SPEG: variants seen among roughly 807,000 people sequenced by gnomAD.
The protein encoded by SPEG is striated muscle preferentially expressed protein kinase.
In SPEG, 114 loss-of-function variants were observed where a neutral mutation model predicts 300.4. That is an observed-to-expected ratio of 0.38 (90% CI 0.33 to 0.44). The LOEUF is 0.44. SPEG is among the 20% of genes least tolerant of loss of function. SPEG has a pLI of 1.00. For synonymous variants in SPEG, 1,964 were observed against 2,018.9 expected, an observed-to-expected ratio of 0.97 and a Z score of 0.73; for missense variants, 4,201 against 4,586.2, an observed-to-expected ratio of 0.92 and a Z score of 2.43.
In SPEG at chr2:219,462,654, C is replaced by T. The variant is rs145563653; in HGVS notation, c.2705+268C>T. Among the ~76,000 whole-genome samples the T allele has an allele frequency of 4.4e-3, 668 of 152,342 alleles. 5 individuals carry two copies. The highest frequency in any genetic ancestry group is 7.0e-3 in the Non-Finnish European group (474 of 68,028). ...ATAAATGACTGGGTGCGGTGGCTCA[C>T]GCCTGTAATCCCAGCATTTTGAGAG... On this transcript the variant is annotated intron_variant, in intron 8 of 40. Transcript: ENST00000312358.
At chr2:219,491,713 C>A in intron 38 of SPEG, 81 bp from the exon 39 acceptor site, 2 of 1,099,764 alleles carry the variant, frequency 1.8e-6, no homozygotes, top group Non-Finnish European at 2.7e-6. Flanking sequence ...TGTCCTGCTG[C>A]TCAAGCACCC....
intron 8 of SPEG, among the ~76,000 whole-genome samples, chr2:219,463,077 G>A (rs1436200319): frequency 1.3e-5 from 2 of 151,998 alleles, no homozygotes; most frequent in Admixed American, 6.6e-5. Context: ...GGACGTGGTA[G>A]TACATGCCTG....
rs1690342114 is a variant in SPEG at position 219,458,196 on chromosome 2, AG to A, written c.2441-3685del. Among the ~76,000 whole-genome samples the A allele has an allele frequency of 6.6e-6, 1 of 152,064 alleles. No individual in the cohort carries two copies. The stretch of plus-strand genomic sequence containing the variant: ...GTGAGGTGGCAGTGAGTAGGCAGAG[AG>A]CCCCATGACTTTTCAAGCCCTTGAG... On this transcript the variant is annotated intron_variant, in intron 6 of 40. Transcript: ENST00000312358. This position sits in a 1 kb window ranked among gnomAD's most constrained non-coding sequence, Gnocchi z 4.2.
chr2:219,473,310 G>C lies in SPEG; in HGVS notation c.4148-194G>C, dbSNP rs2125494293. On this transcript the variant is annotated intron_variant, in intron 16 of 40. Transcript: ENST00000312358. The surrounding 1 kb of genome is among the most constrained non-coding windows in gnomAD (Gnocchi z 4.6). ...TCAGGCTTTGGGATCGGGCCTGCTG[G>C]GGTCCAACCCCACAACCTCAGCTTT... 1.3e-6 allele frequency: 1 copy of C among 744,624 alleles called. No homozygotes were observed. Among genetic ancestry groups the C allele is most frequent in the South Asian group, 1.8e-5 (1 of 55,160 alleles). 46.1% of individuals were successfully genotyped at this position (744,624 alleles called of 1,614,324 possible).
chr2:219,466,010 C>G, intron 9 of SPEG: 1 of 1,554,704 alleles, frequency 6.4e-7, no homozygotes, highest in Non-Finnish European at 8.8e-7. Context: ...TGCGCGTATG[C>G]TGCACTAACC....
chr2:219,458,973 G>C lies in SPEG; in HGVS notation c.2441-2909G>C, dbSNP rs1057247941. Among the ~76,000 whole-genome samples, 3 of 152,206 alleles carry C rather than the reference G, an allele frequency of 2.0e-5. No individual in the cohort carries two copies. Among genetic ancestry groups the C allele is most frequent in the Admixed American group, 6.5e-5 (1 of 15,286 alleles). ...ATGTACTAGATAATTCGCAGTGGTG[G>C]CTGCAACTCTGTCTATTGTGAGAAC... On this transcript the variant is annotated intron_variant, in intron 6 of 40. Coordinates refer to ENST00000312358, the MANE Select transcript of SPEG (RefSeq NM_005876.5). The surrounding 1 kb of genome is among the most constrained non-coding windows in gnomAD (Gnocchi z 4.2).
chr2:219,487,882 T>C (rs143620469), intron 31 of SPEG, among the ~76,000 whole-genome samples: 6 of 152,352 alleles, frequency 3.9e-5, no homozygotes, highest in African/African-American at 1.4e-4. Context: ...TAACAAATGC[T>C]TATAGACCAC....
In SPEG at chr2:219,451,974, G is replaced by A. The variant is rs1169690776; in HGVS notation, c.2440+167G>A. 6.6e-6 allele frequency among the ~76,000 whole-genome samples: 1 copy of A among 152,224 alleles called. No homozygotes were observed. The highest frequency in any genetic ancestry group is 2.1e-4 in the South Asian group (1 of 4,836). On this transcript the variant is annotated intron_variant, in intron 6 of 40. Transcript: ENST00000312358. The surrounding 1 kb of genome is among the most constrained non-coding windows in gnomAD (Gnocchi z 6.4). The stretch of plus-strand genomic sequence containing the variant: ...GGGTGTCGGCAGCTTTGGTGAAAGC[G>A]TTTTAAATGGCCCTGGCCTCAGGGC...
intron 28 of SPEG, chr2:219,482,471 G>A: frequency 3.0e-6 from 1 of 332,640 alleles, no homozygotes; most frequent in Non-Finnish European, 5.6e-6. Context: ...AAGATCACAG[G>A]CCTCCCAGGG....
Position 219,483,801 on chromosome 2 carries a change from C to A in SPEG, c.6338C>A (p.Ala2113Glu). The stretch of plus-strand genomic sequence containing the variant: ...GCACGAGCTGCCTCCAGCGAGGCAG[C>A]GCCCCACCACCAGCCCCCACTCGAG... ...RMARAASSEA[A>E]PHHQPPLENR... The change falls in exon 30 of 41, where the codon GCG (alanine) becomes GAG (glutamate). Residue 2113 changes from alanine to glutamate, a missense_variant. By Grantham distance (107) the Ala-to-Glu change is moderately radical. Transcript: ENST00000312358. 1 of 1,570,346 alleles carries A rather than the reference C, an allele frequency of 6.4e-7. No homozygotes were observed. Among genetic ancestry groups the A allele is most frequent in the Non-Finnish European group, 8.6e-7 (1 of 1,165,418 alleles).
Position 219,477,567 on chromosome 2 carries a change from C to T in SPEG, c.4729+122C>T. ...AGCCACCACACCCCCAGCCCAGCAC[C>T]CCGCCTTGAGCCCCCAACATTCTTG... On this transcript the variant is annotated intron_variant, in intron 20 of 40. Coordinates refer to ENST00000312358, the MANE Select transcript of SPEG (RefSeq NM_005876.5). The surrounding 1 kb of genome is among the most constrained non-coding windows in gnomAD (Gnocchi z 6.4). 1 of 1,367,792 alleles carries T rather than the reference C, an allele frequency of 7.3e-7. No individual in the cohort carries two copies. Among genetic ancestry groups the T allele is most frequent in the Non-Finnish European group, 9.9e-7 (1 of 1,010,012 alleles). 84.7% of individuals were successfully genotyped at this position (1,367,792 alleles called of 1,614,324 possible).
Position 219,480,273 on chromosome 2 carries a change from G to GA in SPEG, c.5342+133_5342+134insA. 2 of 966,264 alleles carry GA rather than the reference G, an allele frequency of 2.1e-6. No homozygotes were observed. The highest frequency in any genetic ancestry group is 3.1e-6 in the Non-Finnish European group (2 of 648,710). 59.9% of individuals were successfully genotyped at this position (966,264 alleles called of 1,614,324 possible). ...GGTGGGCTGGAGGCATTGTTTGCAG[G>GA]GTCTCCTGCCCATGTTACTCCTTGC... On this transcript the variant is annotated intron_variant, in intron 25 of 40. Transcript: ENST00000312358. This position sits in a 1 kb window ranked among gnomAD's most constrained non-coding sequence, Gnocchi z 5.3.
Position 219,472,947 on chromosome 2 carries a change from C to T in SPEG, c.3998C>T (p.Thr1333Met), listed in dbSNP as rs76811720. The T allele has an allele frequency of 2.8e-4, 444 of 1,613,582 alleles. 2 individuals are homozygous for T. The African/African-American group carries it at 5.3e-3, about 19-fold the overall frequency. The change falls in exon 16 of 41, where the codon ACG becomes ATG. Residue 1333 changes from threonine to methionine, a missense_variant. This residue lies in a region of SPEG where 1,047 missense variants were observed against 1,356.8 expected (regional missense o/e 0.77). Transcript: ENST00000312358. ...QHQVLGSDQWTALVTGLREPG... is the reference protein window; with the variant it reads ...QHQVLGSDQWMALVTGLREPG... ...CAGGTGCTGGGCTCGGACCAGTGGA[C>T]GGCACTGGTCACAGGCCTGCGGGAG...
chr2:219,475,603 C>G (rs898856377), intron 18 of SPEG, among the ~76,000 whole-genome samples: 2 of 152,196 alleles, frequency 1.3e-5, no homozygotes, highest in African/African-American at 4.8e-5. Flanking sequence ...GCACTCTCCA[C>G]TCAGTCACCA....
intron 15 of SPEG, among the ~76,000 whole-genome samples, chr2:219,472,620 C>T (rs183625803): frequency 8.5e-5 from 13 of 152,290 alleles, no homozygotes; most frequent in East Asian, 1.9e-4. Flanking sequence ...GATCTCCTCC[C>T]GCTCTGCCTC....
At chr2:219,485,109 G>C in intron 30 of SPEG, 37 bp downstream of exon 30, 8 of 1,525,762 alleles carry the variant, frequency 5.2e-6, no homozygotes, top group Non-Finnish European at 7.0e-6. Flanking sequence ...AGGTGCAGAG[G>C]AGGGTGGGGT....
intron 36 of SPEG, 133 bp downstream of exon 36, chr2:219,490,072 A>G: frequency 1.9e-6 from 2 of 1,072,542 alleles, no homozygotes; most frequent in Non-Finnish European, 2.7e-6. Flanking sequence ...TATTAGAATG[A>G]TTGCGTTCAA....
At position 219,477,217 on chromosome 2, in the gene SPEG, CCT is replaced by C; in HGVS notation, c.4561-59_4561-58del. ...CGCTGCCCAGAGTAGGAGATGAGGC[CCT>C]GGCCCCAAGGTAGAGATGAGGCCAG... On this transcript the variant is annotated intron_variant, in intron 19 of 40. Transcript: ENST00000312358. The surrounding 1 kb of genome is among the most constrained non-coding windows in gnomAD (Gnocchi z 6.4). 2.6e-6 allele frequency: 4 copies of C among 1,539,470 alleles called. No individual in the cohort carries two copies. Among genetic ancestry groups the C allele is most frequent in the Non-Finnish European group, 1.7e-6 (2 of 1,144,594 alleles).
In SPEG at chr2:219,489,756, C is replaced by T. The variant is rs1448173069; in HGVS notation, c.8738C>T (p.Pro2913Leu). ...TCCTTTGTGTCTGCACCACCAGCCC[C>T]TGAGCCCCCAGCCCCTGAGCCCCCT... ...VTSFVSAPPA[P>L]EPPAPEPPPE... Residue 2913 changes from proline to leucine, a missense_variant, in exon 36 of 41, where the codon CCT becomes CTT. Coordinates refer to ENST00000312358, the MANE Select transcript of SPEG (RefSeq NM_005876.5). 1.9e-6 allele frequency: 3 copies of T among 1,613,672 alleles called. No homozygotes were observed. Among genetic ancestry groups the T allele is most frequent in the South Asian group, 2.2e-5 (2 of 91,074 alleles).
Sources: gnomAD v4.1 joint callset for allele counts (sites outside exome capture counted in the v4.1 genomes callset) on GRCh38, gnomAD v4.1.1 for gene constraint, gnomAD v4.1.1 regional missense constraint, Gnocchi (gnomAD v3.1) non-coding constraint, MANE v1.5 for transcripts, NCBI Gene and HGNC (gene_info 2026-07-23, HGNC 2026-07-21) for gene names.